ERAP1: variants seen among roughly 807,000 people sequenced by gnomAD.
The protein encoded by ERAP1 is endoplasmic reticulum aminopeptidase 1.
In ERAP1, 86 loss-of-function variants were observed where a neutral mutation model predicts 103.7. The ratio of observed to expected loss-of-function variants is 0.83; its 90% CI spans 0.70 to 0.99. ERAP1 has a LOEUF of 0.99. Ranked by LOEUF, ERAP1 falls within the 50% of genes least tolerant of loss-of-function variation. ERAP1 has a pLI of 0.00. For synonymous variants in ERAP1, 398 were observed against 402.4 expected, an observed-to-expected ratio of 0.99 and a Z score of 0.13; for missense variants, 1,009 against 1,128.4, an observed-to-expected ratio of 0.89 and a Z score of 1.52.
the ERAP1 span, chr5:96,892,161 A>C: frequency 2.6e-6 from 2 of 781,206 alleles, no homozygotes; most frequent in Non-Finnish European, 4.1e-6. Context: ...ACACCCTGTC[A>C]ATGTTAAGAT....
At chr5:96,838,676 T>C in the ERAP1 span, among the ~76,000 whole-genome samples, 3 of 151,956 alleles carry the variant, frequency 2.0e-5, no homozygotes, top group Non-Finnish European at 4.4e-5. Flanking sequence ...CCTCCCAAAG[T>C]CCACACATGA....
At chr5:96,851,796 T>C in the ERAP1 span, among the ~76,000 whole-genome samples, 2 of 152,116 alleles carry the variant, frequency 1.3e-5, no homozygotes, top group Admixed American at 1.3e-4. Context: ...AAGTAAGTAT[T>C]GTATGCCGGC....
the ERAP1 span, among the ~76,000 whole-genome samples, chr5:96,851,707 C>G: frequency 1.3e-5 from 2 of 152,146 alleles, no homozygotes; most frequent in African/African-American, 4.8e-5. Flanking sequence ...CTCTTGAGCC[C>G]TGGAACTGGA....
the ERAP1 span, chr5:96,881,039 C>A: frequency 2.3e-5 from 4 of 172,320 alleles, no homozygotes; most frequent in African/African-American, 7.2e-5. Context: ...GGGGCAAGTG[C>A]TCTAAAGTGG....
chr5:96,874,958 T>C, the ERAP1 span, among the ~76,000 whole-genome samples: 129 of 152,300 alleles, frequency 8.5e-4, no homozygotes, highest in African/African-American at 3.0e-3. Context: ...ACAAAACAAC[T>C]ATAGGCTGGC....
chr5:96,774,800 T>C lies in ERAP1; in HGVS notation c.*1596A>G. 1.0e-6 allele frequency: 1 copy of C among 984,926 alleles called. No homozygotes were observed. The highest frequency in any genetic ancestry group is 1.2e-6 in the Non-Finnish European group (1 of 829,312). 61.0% of individuals were successfully genotyped at this position (984,926 alleles called of 1,614,324 possible). ...CAACAAATAAGTATAAAAATTCCAA[T>C]TCCACTTTTATACCTATTTATTTGT... On this transcript the variant is annotated 3_prime_UTR_variant, in exon 19 of 19. Coordinates refer to ENST00000443439, the MANE Select transcript of ERAP1 (RefSeq NM_001040458.3).
the ERAP1 span, among the ~76,000 whole-genome samples, chr5:96,826,965 C>T: frequency 7.2e-5 from 11 of 151,946 alleles, no homozygotes; most frequent in Admixed American, 7.2e-4. Flanking sequence ...AAAAATAATC[C>T]CCAACTCTAT....
the ERAP1 span, chr5:96,903,590 A>G: frequency 0.52 from 804,789 of 1,554,240 alleles, 209,585 homozygotes; most frequent in Middle Eastern, 0.61. Flanking sequence ...GACTTCATGC[A>G]AAATAACTGA....
In ERAP1 at chr5:96,794,142, T is replaced by C. The variant is rs1777054438; in HGVS notation, c.920-185A>G. ...TGACTCAGCATCACTTTGCTATAAA[T>C]GTGGCAAAGTCAGACTTGCATCTCA... On this transcript the variant is annotated intron_variant, in intron 5 of 18. Coordinates refer to ENST00000443439, the MANE Select transcript of ERAP1 (RefSeq NM_001040458.3). Among the ~76,000 whole-genome samples the C allele has an allele frequency of 2.0e-5, 3 of 148,010 alleles. No individual in the cohort carries two copies. In the South Asian group the frequency reaches 6.4e-4, roughly 32 times the overall value.
the ERAP1 span, among the ~76,000 whole-genome samples, chr5:96,895,819 T>C: frequency 0.042 from 6,326 of 152,226 alleles, 258 homozygotes; most frequent in East Asian, 0.13. Flanking sequence ...TAAAAACGAA[T>C]ATAGTGGTCT....
chr5:96,901,039 G>A, the ERAP1 span, among the ~76,000 whole-genome samples: 2 of 152,210 alleles, frequency 1.3e-5, no homozygotes, highest in African/African-American at 4.8e-5. Context: ...GCAGCAGCCA[G>A]AGGTTTTGTT....
chr5:96,897,203 A>G, the ERAP1 span, among the ~76,000 whole-genome samples: 1 of 152,346 alleles, frequency 6.6e-6, no homozygotes, highest in East Asian at 1.9e-4. Context: ...AAGGTTGTCA[A>G]CTGTATTCCC....
chr5:96,768,035 T>C, intron 19 of ERAP1: 1 of 1,317,814 alleles, frequency 7.6e-7, no homozygotes. Context: ...CTTTGAAATG[T>C]GTGTGTGTGT....
the ERAP1 span, chr5:96,883,757 T>C: frequency 1.3e-6 from 2 of 1,588,694 alleles, no homozygotes; most frequent in Non-Finnish European, 1.7e-6. Flanking sequence ...TTGATTTCAC[T>C]TGTGCATTTT....
At position 96,774,751 on chromosome 5, in the gene ERAP1, C is replaced by CTATT; in HGVS notation, c.*1641_*1644dup. 2.0e-6 allele frequency: 2 copies of CTATT among 983,810 alleles called. No individual in the cohort carries two copies. Among genetic ancestry groups the CTATT allele is most frequent in the South Asian group, 4.7e-5 (1 of 21,254 alleles). 60.9% of individuals were successfully genotyped at this position (983,810 alleles called of 1,614,324 possible). On this transcript the variant is annotated 3_prime_UTR_variant, in exon 19 of 19. Coordinates refer to ENST00000443439, the MANE Select transcript of ERAP1 (RefSeq NM_001040458.3). ...TTGGGGTGGAAATTACCAGTGATTT[C>CTATT]TATTTTTATTAAACCATTCACTACA...
chr5:96,857,491 T>C, the ERAP1 span, among the ~76,000 whole-genome samples: 2 of 151,676 alleles, frequency 1.3e-5, no homozygotes, highest in East Asian at 3.9e-4. Context: ...TTAATAAAAA[T>C]TAATAAAAAA....
chr5:96,896,957 C>G, the ERAP1 span: 1 of 1,058,164 alleles, frequency 9.5e-7, no homozygotes. Context: ...TATTGTCAGT[C>G]AACCATATTT....
chr5:96,852,943 A>G, the ERAP1 span, among the ~76,000 whole-genome samples: 1 of 152,156 alleles, frequency 6.6e-6, no homozygotes, highest in Non-Finnish European at 1.5e-5. Flanking sequence ...AAATGAGTGT[A>G]CTCTACCCAC....
At chr5:96,772,945 C>G (rs1772990731), downstream of ERAP1, 1 of 153,770 alleles carries the variant, frequency 6.5e-6, no homozygotes, top group African/African-American at 2.4e-5. Flanking sequence ...AAAAGAAAAG[C>G]TAAGTGAATT....
Sources: gnomAD v4.1 joint callset for allele counts (sites outside exome capture counted in the v4.1 genomes callset) on GRCh38, gnomAD v4.1.1 for gene constraint, MANE v1.5 for transcripts, NCBI Gene and HGNC (gene_info 2026-07-23, HGNC 2026-07-21) for gene names.